Variants in SPPL2B observed in about 807,000 individuals in gnomAD.
SPPL2B encodes the protein signal peptide peptidase like 2B.
SPPL2B carries 39 observed loss-of-function variants against 59.7 expected under a neutral mutation model. That is an observed-to-expected ratio of 0.65 (90% CI 0.51 to 0.85). The LOEUF (loss-of-function observed/expected upper bound fraction) is 0.85, where lower values mean the gene tolerates loss of function less well. Ranked by LOEUF, SPPL2B falls within the 40% of genes least tolerant of loss-of-function variation. The pLI is 0.00. For missense variants in SPPL2B, 865 were observed against 849.0 expected, an observed-to-expected ratio of 1.02 and a Z score of -0.23; for synonymous variants, 419 against 370.8, an observed-to-expected ratio of 1.13 and a Z score of -1.49.
At chr19:2,351,743 C>A (rs773909622) in intron 14 of SPPL2B, 149 bp downstream of exon 14, 2 of 947,270 alleles carry the variant, frequency 2.1e-6, no homozygotes, top group African/African-American at 1.7e-5. Flanking sequence ...GTGTCATGCG[C>A]GTGAGGCCCC....
chr19:2,345,128 A>T, intron 12 of SPPL2B, 125 bp from the exon 13 acceptor site: 1 of 689,222 alleles, frequency 1.5e-6, no homozygotes, highest in Non-Finnish European at 2.5e-6. Context: ...GTGAAATGAC[A>T]GCAGCCACCA....
intron 13 of SPPL2B, among the ~76,000 whole-genome samples, chr19:2,347,190 T>C (rs1969432134): frequency 6.7e-6 from 1 of 149,596 alleles, no homozygotes; most frequent in Admixed American, 6.6e-5. Flanking sequence ...GCGCTCTCAT[T>C]CGCCTGATTC....
At position 2,340,386 on chromosome 19, in the gene SPPL2B, G is replaced by A. The variant is rs1450877044; in HGVS notation, c.839+214G>A. On this transcript the variant is annotated intron_variant, in intron 7 of 14. Coordinates refer to ENST00000613503, the MANE Select transcript of SPPL2B (RefSeq NM_152988.3). ...CCAGCAGCCAGGCGCCAGGGGTGGCGGGGGGAGGGTGCCCTTGTCCCCAGG... is the reference window on the plus strand; with the variant it reads ...CCAGCAGCCAGGCGCCAGGGGTGGCAGGGGGAGGGTGCCCTTGTCCCCAGG... 18 of 607,820 alleles carry A rather than the reference G, an allele frequency of 3.0e-5. No individual in the cohort carries two copies. In the East Asian group the frequency reaches 3.5e-4, roughly 12 times the overall value. The allele number at this position is 607,820 out of a possible 1,614,324, so 37.7% of individuals were successfully genotyped here. A position where few individuals can be genotyped will look rare whatever the true frequency, so the allele number is the denominator to read the frequency against.
At chr19:2,349,837 A>G (rs577670907) in intron 13 of SPPL2B, among the ~76,000 whole-genome samples, 51 of 143,570 alleles carry the variant, frequency 3.6e-4, no homozygotes, top group Non-Finnish European at 7.0e-4. Flanking sequence ...CTCTCTCCAC[A>G]CACACTCACG....
intron 13 of SPPL2B, among the ~76,000 whole-genome samples, chr19:2,348,689 G>T (rs1393491801): frequency 7.8e-6 from 1 of 128,804 alleles, no homozygotes. Flanking sequence ...GCTCTCATTC[G>T]CTTGATTCCG....
chr19:2,351,126 C>G (rs1969902591), intron 13 of SPPL2B, among the ~76,000 whole-genome samples: 1 of 152,196 alleles, frequency 6.6e-6, no homozygotes, highest in African/African-American at 2.4e-5. Flanking sequence ...GCTATCACGT[C>G]TGCCTCCCGC....
intron 8 of SPPL2B, chr19:2,341,676 G>C (rs3210): frequency 0.098 from 42,402 of 433,740 alleles, 2,567 homozygotes; most frequent in Non-Finnish European, 0.13. Context: ...GTGTGTATTG[G>C]AGCCACGGCA....
chr19:2,336,092 C>T (rs114294164), intron 2 of SPPL2B, among the ~76,000 whole-genome samples: 25 of 152,218 alleles, frequency 1.6e-4, no homozygotes, highest in African/African-American at 5.5e-4. Context: ...CACATGTGTA[C>T]TAGATATGTG....
intron 2 of SPPL2B, among the ~76,000 whole-genome samples, chr19:2,335,963 T>G (rs1050980769): frequency 6.7e-6 from 1 of 149,858 alleles, no homozygotes; most frequent in Non-Finnish European, 1.5e-5. Context: ...GCCTGAGTGT[T>G]TTTTTGTGTG....
chr19:2,351,008 A>G (rs936766127), intron 13 of SPPL2B, among the ~76,000 whole-genome samples: 6 of 152,230 alleles, frequency 3.9e-5, no homozygotes, highest in African/African-American at 1.4e-4. Context: ...TTATATGCCC[A>G]CAGCTCAGTG....
At chr19:2,338,678 G>A in intron 3 of SPPL2B, 74 bp from the exon 4 acceptor site, 1 of 1,034,856 alleles carries the variant, frequency 9.7e-7, no homozygotes, top group Admixed American at 2.0e-5. Flanking sequence ...AGGAGAGGAG[G>A]CGAATGGGCA....
chr19:2,328,872 T>G, intron 1 of SPPL2B, 97 bp downstream of exon 1: 1 of 1,105,310 alleles, frequency 9.0e-7, no homozygotes, highest in Non-Finnish European at 1.2e-6. Flanking sequence ...TCGGCCCGTC[T>G]TGGGGGTCCA....
Position 2,351,416 on chromosome 19 carries a change from C to G in SPPL2B, c.1355-18C>G, listed in dbSNP as rs781769295. The G allele has an allele frequency of 1.3e-6, 2 of 1,578,238 alleles. No homozygotes were observed. The highest frequency in any genetic ancestry group is 3.5e-5 in the Admixed American group (2 of 57,610). ...CCTGGCCTGCCTGGCTGAGGTGATG[C>G]CTCCTCTGTCCCCACAGCCTATGGC... On this transcript the variant is annotated intron_variant, in intron 13 of 14. Transcript: ENST00000613503.
chr19:2,337,446 T>C lies in SPPL2B; in HGVS notation c.190T>C (p.Phe64Leu). ...HLPHDLSKAS[F>L]LQLRNWTASL... ...CACTGTGCCCTGGCCTTTCCAGTCTTTCCTGCAGCTGCGCAACTGGACGGC... is the reference window on the plus strand; with the variant it reads ...CACTGTGCCCTGGCCTTTCCAGTCTCTCCTGCAGCTGCGCAACTGGACGGC... Residue 64 changes from phenylalanine to leucine, a missense_variant, in exon 3 of 15, where the codon TTC becomes CTC. Physicochemically the swap from Phe to Leu is conservative, Grantham distance 22. Transcript: ENST00000613503. The C allele has an allele frequency of 6.3e-7, 1 of 1,599,480 alleles. No homozygotes were observed. The highest frequency in any genetic ancestry group is 8.5e-7 in the Non-Finnish European group (1 of 1,170,792).
intron 2 of SPPL2B, among the ~76,000 whole-genome samples, chr19:2,336,893 CTGTGGGTGTG>C (rs773007466): frequency 1.5e-5 from 2 of 132,516 alleles, no homozygotes; most frequent in Admixed American, 7.3e-5. Flanking sequence ...ACTGGTCTGG[CTGTGGGTGTG>C]TGTGTGTGTG....
intron 14 of SPPL2B, among the ~76,000 whole-genome samples, chr19:2,351,851 G>A (rs1172355873): frequency 6.6e-6 from 1 of 151,800 alleles, no homozygotes; most frequent in Non-Finnish European, 1.5e-5. Flanking sequence ...TGCCGGGTGG[G>A]GCCCAGGGGT....
At position 2,345,333 on chromosome 19, in the gene SPPL2B, A is replaced by G. The variant is rs1186751479; in HGVS notation, c.1354+3A>G. ...ATACTTCGTGGCCTGCACCATCGGT[A>G]AGTGCCTCGGTTGGGCCCGTGCTGG... On this transcript the variant is annotated splice_donor_region_variant and intron_variant, in intron 13 of 14. Coordinates refer to ENST00000613503, the MANE Select transcript of SPPL2B (RefSeq NM_152988.3). 6.2e-7 allele frequency: 1 copy of G among 1,612,758 alleles called. No homozygotes were observed. The highest frequency in any genetic ancestry group is 8.5e-7 in the Non-Finnish European group (1 of 1,179,442).
At chr19:2,342,658 CAAAATA>C (rs1300894865) in intron 8 of SPPL2B, 1 of 153,474 alleles carries the variant, frequency 6.5e-6, no homozygotes, top group Non-Finnish European at 1.5e-5. Context: ...ATCTCAAAAA[CAAAATA>C]AAAACAGTTT....
chr19:2,348,974 C>T (rs1446996243), intron 13 of SPPL2B, among the ~76,000 whole-genome samples: 2 of 144,432 alleles, frequency 1.4e-5, no homozygotes, highest in Admixed American at 7.1e-5. Context: ...CGCTTGATTC[C>T]GTTCTCTCTC....
Sources: gnomAD v4.1 joint callset for allele counts (sites outside exome capture counted in the v4.1 genomes callset) on GRCh38, gnomAD v4.1.1 for gene constraint, MANE v1.5 for transcripts, NCBI Gene and HGNC (gene_info 2026-07-23, HGNC 2026-07-21) for gene names.